SPTBN4: variants seen among roughly 807,000 people sequenced by gnomAD.
SPTBN4 encodes the protein spectrin beta, non-erythrocytic 4, also known as spectrin beta chain, non-erythrocytic 4.
SPTBN4 carries 96 observed loss-of-function variants against 277.8 expected under a neutral mutation model. The observed-to-expected ratio is 0.35, with a 90% CI of 0.29 to 0.41. The LOEUF is 0.41. SPTBN4 is among the 10% of genes least tolerant of loss of function. The pLI, the probability that SPTBN4 is intolerant of heterozygous loss-of-function variation, is 1.00. For missense variants in SPTBN4, 3,006 were observed against 3,595.7 expected, an observed-to-expected ratio of 0.84 and a Z score of 4.19; for synonymous variants, 1,481 against 1,580.3, an observed-to-expected ratio of 0.94 and a Z score of 1.49.
At chr19:40,496,767 G>A (rs934463108) in intron 6 of SPTBN4, among the ~76,000 whole-genome samples, 1 of 152,096 alleles carries the variant, frequency 6.6e-6, no homozygotes, top group Non-Finnish European at 1.5e-5. Context: ...GTAAGCATAT[G>A]TGTGTCAGAG....
At chr19:40,493,209 T>C (rs1307164804) in intron 5 of SPTBN4, among the ~76,000 whole-genome samples, 155 bp downstream of exon 5, 1 of 152,182 alleles carries the variant, frequency 6.6e-6, no homozygotes, top group African/African-American at 2.4e-5. Context: ...ATATGTCCAC[T>C]TCTCCAGCCT....
intron 7 of SPTBN4, among the ~76,000 whole-genome samples, chr19:40,498,527 TC>T (rs1272975530): frequency 6.6e-6 from 1 of 151,234 alleles, no homozygotes; most frequent in Non-Finnish European, 1.5e-5. Flanking sequence ...TGCCTCAGCC[TC>T]CCAAGTAGCT....
At chr19:40,528,958 G>A in intron 17 of SPTBN4, 83 bp from the exon 18 acceptor site, 1 of 1,020,744 alleles carries the variant, frequency 9.8e-7, no homozygotes, top group Non-Finnish European at 1.5e-6. Flanking sequence ...CCCCTACCCA[G>A]CCCAGTGCCC....
chr19:40,522,721 A>G (rs190344686), intron 16 of SPTBN4, among the ~76,000 whole-genome samples: 17 of 152,290 alleles, frequency 1.1e-4, no homozygotes, highest in African/African-American at 4.1e-4. Flanking sequence ...AGCACACCTC[A>G]GGCAACAAAA....
chr19:40,572,305 C>T (rs761109224), intron 34 of SPTBN4, 33 bp from the exon 35 acceptor site: 6 of 1,613,230 alleles, frequency 3.7e-6, no homozygotes, highest in South Asian at 2.2e-5. Context: ...GCCCCTTCCC[C>T]AGATCTCTGA....
chr19:40,554,579 T>C lies in SPTBN4; in HGVS notation c.5017T>C (p.Tyr1673His). ...GCAGCTGGAGCAAGGCGTGGAGAAC[T>C]ACGAGGAAAGCATCGCGCAGCTGTC... Reference protein sequence around the residue: ...HLQLEQGVENYEESIAQLSRQ... With the variant: ...HLQLEQGVENHEESIAQLSRQ... Residue 1673 changes from tyrosine (Y) to histidine (H), a missense_variant, in exon 24 of 36, where the codon TAC becomes CAC. Tyr to His is a moderately conservative substitution (Grantham distance 83, BLOSUM62 2). This residue lies in a region of SPTBN4 where 425 missense variants were observed against 594.7 expected (regional missense o/e 0.71). Coordinates refer to ENST00000598249, the MANE Select transcript of SPTBN4 (RefSeq NM_020971.3). This position sits in a 1 kb window ranked among gnomAD's most constrained non-coding sequence, Gnocchi z 5.7. 1.9e-6 allele frequency: 3 copies of C among 1,539,244 alleles called. No homozygotes were observed. The highest frequency in any genetic ancestry group is 8.8e-7 in the Non-Finnish European group (1 of 1,141,218).
At chr19:40,566,463 T>C in intron 30 of SPTBN4, 104 bp downstream of exon 30, 1 of 1,130,206 alleles carries the variant, frequency 8.8e-7, no homozygotes, top group Non-Finnish European at 1.2e-6. Context: ...CTTGGTCCTG[T>C]GTTGTGTGAG....
chr19:40,493,943 C>T (rs759368644), intron 5 of SPTBN4, among the ~76,000 whole-genome samples: 7 of 152,162 alleles, frequency 4.6e-5, no homozygotes, highest in Non-Finnish European at 5.9e-5. Flanking sequence ...CACCCTCTCC[C>T]GCTGTGAGCA....
chr19:40,549,067 A>C, intron 20 of SPTBN4, 122 bp from the exon 21 acceptor site: 1 of 746,296 alleles, frequency 1.3e-6, no homozygotes, highest in Admixed American at 3.0e-5. Flanking sequence ...GGGACTGAAC[A>C]AGGAGAGGGT....
At chr19:40,506,111 C>A in intron 12 of SPTBN4, 125 bp from the exon 13 acceptor site, 1 of 1,301,688 alleles carries the variant, frequency 7.7e-7, no homozygotes, top group South Asian at 1.8e-5. Context: ...TGGTCCATAT[C>A]TCTCCAAGAG....
intron 2 of SPTBN4, among the ~76,000 whole-genome samples, chr19:40,479,675 C>CATATATATAT (rs34118043): frequency 0.023 from 2,873 of 126,488 alleles, 52 homozygotes; most frequent in Middle Eastern, 0.044. Context: ...AATGAGTAAG[C>CATATATATAT]ATATATATAT....
chr19:40,561,803 C>T (rs1341863895), intron 27 of SPTBN4, among the ~76,000 whole-genome samples: 4 of 118,346 alleles, frequency 3.4e-5, no homozygotes, highest in African/African-American at 1.3e-4. Context: ...GCCTGGGTGA[C>T]AAGAGCAAAA....
chr19:40,504,140 C>CG lies in SPTBN4; in HGVS notation c.1665+15dup, dbSNP rs760144901. On this transcript the variant is annotated intron_variant, in intron 12 of 35. Transcript: ENST00000598249. ...TGGATGGAGGAGATGCAGGTGCCGG[C>CG]GGGGGGGCGGGGATGCGGGTGGAGT... 9.7e-5 allele frequency: 111 copies of CG among 1,148,806 alleles called. 3 individuals are homozygous for CG. The East Asian group carries it at 3.6e-3, about 37-fold the overall frequency. The allele number at this position is 1,148,806 out of a possible 1,614,324, so 71.2% of individuals were successfully genotyped here. A position where few individuals can be genotyped will look rare whatever the true frequency, so the allele number is the denominator to read the frequency against.
intron 18 of SPTBN4, chr19:40,530,650 GGGGCTCGGGCGCGTGCCCGCCCGTCGT>G: frequency 1.1e-6 from 1 of 911,860 alleles, no homozygotes. Context: ...GACAGGGGAG[GGGGCTCGGGCGCGTGCCCGCCCGTCGT>G]GGCCGCGGGA....
chr19:40,481,310 C>T (rs1033687319), intron 2 of SPTBN4, among the ~76,000 whole-genome samples: 2 of 152,174 alleles, frequency 1.3e-5, no homozygotes, highest in African/African-American at 4.8e-5. Flanking sequence ...CCTGCCTTGG[C>T]TGCCCAAAGT....
intron 21 of SPTBN4, 117 bp downstream of exon 21, chr19:40,549,530 A>T: frequency 2.6e-6 from 2 of 756,828 alleles, no homozygotes; most frequent in Non-Finnish European, 4.0e-6. Flanking sequence ...ATACGCTGAA[A>T]GACGCATTCA....
At position 40,567,886 on chromosome 19, in the gene SPTBN4, G is replaced by T; in HGVS notation, c.6560G>T (p.Arg2187Leu). 6.6e-7 allele frequency: 1 copy of T among 1,523,310 alleles called. No individual in the cohort carries two copies. Among genetic ancestry groups the T allele is most frequent in the Non-Finnish European group, 8.8e-7 (1 of 1,138,262 alleles). 94.4% of individuals were successfully genotyped at this position (1,523,310 alleles called of 1,614,324 possible). ...GYVRQELKPE[R>L]LQPRIDRLPE... Reference sequence around the variant, plus strand: ...GTGCGCCAGGAGCTCAAGCCCGAGCGCCTCCAGCCGCGCATTGACCGGCTG... The same window carrying T: ...GTGCGCCAGGAGCTCAAGCCCGAGCTCCTCCAGCCGCGCATTGACCGGCTG... Residue 2187 changes from arginine (R) to leucine (L), a missense_variant, in exon 31 of 36, where the codon CGC becomes CTC. By Grantham distance (102) the Arg-to-Leu change is moderately radical. This residue lies in a region of SPTBN4 where 630 missense variants were observed against 677.6 expected (regional missense o/e 0.93). Coordinates refer to ENST00000598249, the MANE Select transcript of SPTBN4 (RefSeq NM_020971.3).
At chr19:40,542,941 G>A (rs1209822937) in intron 20 of SPTBN4, among the ~76,000 whole-genome samples, 1 of 151,938 alleles carries the variant, frequency 6.6e-6, no homozygotes, top group Non-Finnish European at 1.5e-5. Context: ...GCTGGCTCGG[G>A]GTCTGAGGGG....
intron 32 of SPTBN4, among the ~76,000 whole-genome samples, chr19:40,569,977 C>CACAG (rs1289209463): frequency 2.0e-5 from 3 of 146,464 alleles, no homozygotes; most frequent in Admixed American, 6.8e-5. Context: ...CACACACAGA[C>CACAG]ACACACACAC....
Sources: gnomAD v4.1 joint callset for allele counts (sites outside exome capture counted in the v4.1 genomes callset) on GRCh38, gnomAD v4.1.1 for gene constraint, gnomAD v4.1.1 regional missense constraint, Gnocchi (gnomAD v3.1) non-coding constraint, MANE v1.5 for transcripts, NCBI Gene and HGNC (gene_info 2026-07-23, HGNC 2026-07-21) for gene names.